The following ATP8B1 variants were observed in gnomAD, a reference collection of about 807,000 sequenced individuals.
ATP8B1 encodes the protein phospholipid-transporting ATPase IC.
ATP8B1 carries 80 observed loss-of-function variants against 149.9 expected under a neutral mutation model. That is an observed-to-expected ratio of 0.53 (90% CI 0.45 to 0.64). ATP8B1 has a LOEUF of 0.64. ATP8B1 is among the 30% of genes least tolerant of loss of function. ATP8B1 has a pLI of 0.00. For synonymous variants in ATP8B1, 536 were observed against 562.8 expected (o/e 0.95, Z 0.67); for missense variants, 1,247 against 1,552.6 (o/e 0.80, Z 3.31).
At chr18:57,694,142 A>G (rs949073391) in intron 11 of ATP8B1, among the ~76,000 whole-genome samples, 1 of 151,984 alleles carries the variant, frequency 6.6e-6, no homozygotes, top group Non-Finnish European at 1.5e-5. Context: ...GACATACTTT[A>G]TTTTTAGCCT....
At chr18:57,720,937 G>A (rs371208461) in intron 2 of ATP8B1, among the ~76,000 whole-genome samples, 1 of 149,676 alleles carries the variant, frequency 6.7e-6, no homozygotes, top group Non-Finnish European at 1.5e-5. Context: ...GTGGGGGCCA[G>A]TATTCAACAT....
At chr18:57,758,478 TA>T (rs558042405) in intron 1 of ATP8B1, among the ~76,000 whole-genome samples, 259 of 144,848 alleles carry the variant, frequency 1.8e-3, no homozygotes, top group Admixed American at 1.5e-3. Flanking sequence ...CCGTCTCTAC[TA>T]AAAAAAAAAA....
Position 57,672,915 on chromosome 18 carries a change from T to TACAC in ATP8B1, c.1820-1336_1820-1335insGTGT, listed in dbSNP as rs1568189290. Among the ~76,000 whole-genome samples the TACAC allele has an allele frequency of 5.8e-4, 34 of 58,304 alleles. 1 individual carries two copies. Among genetic ancestry groups the TACAC allele is most frequent in the South Asian group, 1.3e-3 (2 of 1,570 alleles). The allele number at this position is 58,304 out of a possible 152,430, so 38.2% of individuals were successfully genotyped here. ...ATATATATATATATATATATATATA[T>TACAC]ATATATATATATATATAACATGTAT... On this transcript the variant is annotated intron_variant, in intron 16 of 27. Transcript: ENST00000648908.
intron 1 of ATP8B1, among the ~76,000 whole-genome samples, chr18:57,744,426 A>G (rs73959337): frequency 0.058 from 8,771 of 151,472 alleles, 343 homozygotes; most frequent in African/African-American, 0.11. Flanking sequence ...AAAATGAAGG[A>G]AAAAAAAAGT....
At position 57,674,878 on chromosome 18, in the gene ATP8B1, G is replaced by A; in HGVS notation, c.1775C>T (p.Ala592Val). ...CCGGTCACTGTTGAAGTCCAAAATG[G>A]CAAGAACATTGTAAGTCCTTTCAGT... Reference protein sequence around the residue: ...LGTERTYNVLAILDFNSDRKR... With the variant: ...LGTERTYNVLVILDFNSDRKR... Residue 592 changes from alanine to valine, a missense_variant, in exon 16 of 28, where the codon GCC (alanine) becomes GTC (valine). Ala to Val is a moderately conservative substitution (Grantham distance 64). Transcript: ENST00000648908. 1 of 1,614,182 alleles carries A rather than the reference G, an allele frequency of 6.2e-7. No homozygotes were observed.
chr18:57,736,424 A>G (rs1208498849), intron 1 of ATP8B1, among the ~76,000 whole-genome samples: 1 of 110,374 alleles, frequency 9.1e-6, no homozygotes, highest in Admixed American at 8.8e-5. Context: ...CATTTTCCCT[A>G]TGTTTTCTTC....
At chr18:57,675,862 C>T (rs967638676) in intron 15 of ATP8B1, among the ~76,000 whole-genome samples, 3 of 152,160 alleles carry the variant, frequency 2.0e-5, no homozygotes, top group Non-Finnish European at 4.4e-5. Flanking sequence ...CACGCCACCA[C>T]ACCTGGCTAA....
At chr18:57,791,350 TC>T (rs375518075) in intron 1 of ATP8B1, among the ~76,000 whole-genome samples, 2,142 of 95,024 alleles carry the variant, frequency 0.023, 43 homozygotes, top group African/African-American at 0.056. Flanking sequence ...TCTTTTCTTT[TC>T]TTTTTTTTTT....
chr18:57,791,351 C>CT (rs570282416), intron 1 of ATP8B1, among the ~76,000 whole-genome samples: 3,897 of 82,234 alleles, frequency 0.047, 150 homozygotes, highest in African/African-American at 0.1. Context: ...CTTTTCTTTT[C>CT]TTTTTTTTTT....
rs1056791949 is a variant in ATP8B1 at position 57,662,369 on chromosome 18, G to A, written c.2418+114C>T. 5 of 1,302,802 alleles carry A rather than the reference G, an allele frequency of 3.8e-6. No individual in the cohort carries two copies. In the African/African-American group the frequency reaches 6.0e-5, roughly 16 times the overall value. The allele number at this position is 1,302,802 out of a possible 1,614,324, so 80.7% of individuals were successfully genotyped here. ...AAACTTGGAAAAACCACACTTTCAT[G>A]TATAGGCTAAGAGACTTTTAGGTTG... On this transcript the variant is annotated intron_variant, in intron 21 of 27. Transcript: ENST00000648908.
intron 3 of ATP8B1, among the ~76,000 whole-genome samples, chr18:57,705,159 T>C (rs1286564262): frequency 6.6e-6 from 1 of 152,204 alleles, no homozygotes; most frequent in African/African-American, 2.4e-5. Flanking sequence ...AAATGACTAC[T>C]TGGAGTCTTA....
At chr18:57,716,721 G>A (rs2079586741) in intron 2 of ATP8B1, among the ~76,000 whole-genome samples, 1 of 152,096 alleles carries the variant, frequency 6.6e-6, no homozygotes, top group South Asian at 2.1e-4. Flanking sequence ...ATAGACCCCA[G>A]TAAAATAATA....
At chr18:57,702,062 G>C (rs773443779) in intron 4 of ATP8B1, among the ~76,000 whole-genome samples, 1 of 152,170 alleles carries the variant, frequency 6.6e-6, no homozygotes, top group Non-Finnish European at 1.5e-5. Flanking sequence ...TTCTCAGTCA[G>C]TGGTTTCTGA....
chr18:57,767,287 G>GCAT (rs1240593387), intron 1 of ATP8B1, among the ~76,000 whole-genome samples: 1 of 152,144 alleles, frequency 6.6e-6, no homozygotes, highest in Admixed American at 6.5e-5. Flanking sequence ...TCTAATTCTC[G>GCAT]CATCATCTCA....
intron 1 of ATP8B1, among the ~76,000 whole-genome samples, chr18:57,746,467 C>CA (rs2079964211): frequency 1.1e-5 from 1 of 94,102 alleles, no homozygotes; most frequent in Non-Finnish European, 2.0e-5. Flanking sequence ...CTGATGCTTA[C>CA]TTTTTTTTTT....
At chr18:57,750,742 C>G (rs1457343491) in intron 1 of ATP8B1, among the ~76,000 whole-genome samples, 1 of 152,214 alleles carries the variant, frequency 6.6e-6, no homozygotes, top group Non-Finnish European at 1.5e-5. Context: ...AAAGCTTAAA[C>G]CTCAGGTACA....
intron 6 of ATP8B1, among the ~76,000 whole-genome samples, chr18:57,698,246 A>G (rs1273538490): frequency 1.3e-5 from 2 of 152,144 alleles, no homozygotes; most frequent in African/African-American, 2.4e-5. Context: ...GGACAGAAGC[A>G]CCTACATTAT....
At chr18:57,761,252 T>G (rs1038214922) in intron 1 of ATP8B1, among the ~76,000 whole-genome samples, 2 of 152,170 alleles carry the variant, frequency 1.3e-5, no homozygotes, top group African/African-American at 4.8e-5. Context: ...GTGTTGTTGT[T>G]GCTATCAGGG....
In ATP8B1 at chr18:57,648,606, T is replaced by TGCGAGAAG. The variant is rs771308072; in HGVS notation, c.3630_3637dup (p.His1213ProfsTer79). ...GATGAGGTCCGCGTAGCCCCGCTGG[T>TGCGAGAAG]GCGAGAAGGCGTAGGCCGAGCGCCG... is the stretch of plus-strand genomic sequence containing the variant. On this transcript the variant is annotated frameshift_variant, in exon 28 of 28. Transcript: ENST00000648908. LOFTEE classifies it high-confidence loss of function. 2 of 1,610,902 alleles carry TGCGAGAAG rather than the reference T, an allele frequency of 1.2e-6. No homozygotes were observed. Among genetic ancestry groups the TGCGAGAAG allele is most frequent in the Non-Finnish European group, 1.7e-6 (2 of 1,179,658 alleles).
Sources: gnomAD v4.1 joint callset for allele counts (sites outside exome capture counted in the v4.1 genomes callset) on GRCh38, gnomAD v4.1.1 for gene constraint, MANE v1.5 for transcripts, NCBI Gene and HGNC (gene_info 2026-07-23, HGNC 2026-07-21) for gene names.